PSD2: variants seen among roughly 807,000 people sequenced by gnomAD.
PSD2 encodes the protein pleckstrin and Sec7 domain containing 2, also known as PH and SEC7 domain-containing protein 2.
PSD2 carries 38 observed loss-of-function variants against 69.8 expected under a neutral mutation model. The observed-to-expected ratio is 0.54, with a 90% confidence interval of 0.42 to 0.71. PSD2 has a LOEUF of 0.71. Among genes scored for constraint, PSD2 ranks in the 30% least tolerant of loss-of-function variants. PSD2 has a pLI of 0.00. For synonymous variants in PSD2, 412 were observed against 423.0 expected (o/e 0.97, Z 0.32); for missense variants, 943 against 1,014.5 (o/e 0.93, Z 0.96).
At chr5:139,773,924 T>C in the PSD2 span, among the ~76,000 whole-genome samples, 3 of 151,856 alleles carry the variant, frequency 2.0e-5, no homozygotes, top group African/African-American at 7.3e-5. Context: ...CCCTTTTATA[T>C]TCCTACCAAC....
At chr5:139,815,595 G>C (rs772413281) in intron 4 of PSD2, among the ~76,000 whole-genome samples, 1 of 152,160 alleles carries the variant, frequency 6.6e-6, no homozygotes, top group African/African-American at 2.4e-5. Flanking sequence ...TGGTGGCCTT[G>C]TGTCTTTGAA....
Position 139,840,653 on chromosome 5 carries a change from C to CA in PSD2, c.2112+485dup, listed in dbSNP as rs1760850949. On this transcript the variant is annotated intron_variant, in intron 14 of 14. Transcript: ENST00000274710. ...ATAATCTCTGCCTCCTGGGTTCAAG[C>CA]AATTCTCCTGCCTCAGCCTCCCGAA... Among the ~76,000 whole-genome samples the CA allele has an allele frequency of 2.0e-5, 3 of 151,472 alleles. No homozygotes were observed. The South Asian group carries it at 6.3e-4, about 32-fold the overall frequency.
In PSD2 at chr5:139,842,551, A is replaced by G. The variant is rs1760900831; in HGVS notation, c.*77A>G. 5.2e-6 allele frequency: 7 copies of G among 1,343,208 alleles called. No homozygotes were observed. Among genetic ancestry groups the G allele is most frequent in the East Asian group, 4.6e-5 (2 of 43,110 alleles). 83.2% of individuals were successfully genotyped at this position (1,343,208 alleles called of 1,614,324 possible). ...GTGAGCACAATTCCAGCCAGGGGCC[A>G]CTTGGACCAAGCTCCAGTCAGTTGA... On this transcript the variant is annotated 3_prime_UTR_variant, in exon 15 of 15. Transcript: ENST00000274710.
At chr5:139,766,086 G>A in the PSD2 span, among the ~76,000 whole-genome samples, 1 of 152,146 alleles carries the variant, frequency 6.6e-6, no homozygotes, top group Non-Finnish European at 1.5e-5. Context: ...CATTGGGTAG[G>A]GAGGTGTGGA....
intron 1 of PSD2, among the ~76,000 whole-genome samples, chr5:139,808,554 C>T (rs1372305791): frequency 2.0e-5 from 3 of 152,222 alleles, no homozygotes; most frequent in Admixed American, 6.5e-5. Context: ...CCTGACTCCC[C>T]TTCCAGTGCT....
chr5:139,803,626 A>G (rs1046634005), intron 1 of PSD2, among the ~76,000 whole-genome samples: 2 of 152,220 alleles, frequency 1.3e-5, no homozygotes, highest in African/African-American at 4.8e-5. Context: ...CTGAGCACAC[A>G]GGAAAGGGCA....
Position 139,838,619 on chromosome 5 carries a change from T to G in PSD2, c.1824-9T>G. ...AGAGGCCGGCACCCTCTCCCCCTCCTGTCCCCAGGAGCAAGGAAGAAATGC... is the reference window on the plus strand; with the variant it reads ...AGAGGCCGGCACCCTCTCCCCCTCCGGTCCCCAGGAGCAAGGAAGAAATGC... On this transcript the variant is annotated splice_polypyrimidine_tract_variant and intron_variant, in intron 12 of 14. Coordinates refer to ENST00000274710, the MANE Select transcript of PSD2 (RefSeq NM_032289.4). 1 of 1,609,344 alleles carries G rather than the reference T, an allele frequency of 6.2e-7. No individual in the cohort carries two copies. The highest frequency in any genetic ancestry group is 2.2e-5 in the East Asian group (1 of 44,774).
At chr5:139,829,193 C>G (rs1760506171) in intron 7 of PSD2, among the ~76,000 whole-genome samples, 1 of 152,094 alleles carries the variant, frequency 6.6e-6, no homozygotes, top group Non-Finnish European at 1.5e-5. Flanking sequence ...CTTGCTTTTT[C>G]GCCCTGAGAA....
intron 2 of PSD2, 45 bp downstream of exon 2, chr5:139,809,856 C>T: frequency 6.2e-7 from 1 of 1,602,152 alleles, no homozygotes; most frequent in Non-Finnish European, 8.5e-7. Flanking sequence ...TTTGGCTGTT[C>T]TGTTGTTGTG....
intron 7 of PSD2, among the ~76,000 whole-genome samples, chr5:139,832,103 G>A (rs111996699): frequency 1.8e-4 from 27 of 152,300 alleles, no homozygotes; most frequent in African/African-American, 5.8e-4. Context: ...CAATGCTGCT[G>A]GGAAGGTTCA....
the PSD2 span, among the ~76,000 whole-genome samples, chr5:139,754,858 C>A: frequency 2.0e-5 from 3 of 151,972 alleles, no homozygotes; most frequent in African/African-American, 4.8e-5. Flanking sequence ...GCTTGAGTGA[C>A]CCTGTCTCAA....
At chr5:139,807,268 G>C (rs1759832494) in intron 1 of PSD2, among the ~76,000 whole-genome samples, 1 of 152,200 alleles carries the variant, frequency 6.6e-6, no homozygotes, top group South Asian at 2.1e-4. Context: ...TGCTCATCCA[G>C]GCCCCTGGGC....
At chr5:139,794,036 A>G (rs527470251), upstream of PSD2, among the ~76,000 whole-genome samples, 6 of 152,304 alleles carry the variant, frequency 3.9e-5, no homozygotes, top group Admixed American at 3.9e-4. Context: ...AGCAGAGGGC[A>G]GGGGGGTAGA....
chr5:139,784,747 A>T, the PSD2 span, among the ~76,000 whole-genome samples: 41 of 151,020 alleles, frequency 2.7e-4, no homozygotes, highest in Non-Finnish European at 1.2e-4. Flanking sequence ...ATATGTCTAC[A>T]TGACAAATTC....
chr5:139,829,753 G>A lies in PSD2; in HGVS notation c.1270-3949G>A, dbSNP rs142670776. Among the ~76,000 whole-genome samples the A allele has an allele frequency of 1.9e-3, 287 of 152,214 alleles. 1 individual carries two copies. The highest frequency in any genetic ancestry group is 6.2e-3 in the African/African-American group (256 of 41,510). On this transcript the variant is annotated intron_variant, in intron 7 of 14. Coordinates refer to ENST00000274710, the MANE Select transcript of PSD2 (RefSeq NM_032289.4). ...TCATCTCTTGATGGATATTTGGGTC[G>A]TTTCCATCTTTTGGTGATTGTGAAT... is the stretch of plus-strand genomic sequence containing the variant.
At chr5:139,799,830 G>A (rs995737283) in intron 1 of PSD2, among the ~76,000 whole-genome samples, 3 of 152,152 alleles carry the variant, frequency 2.0e-5, no homozygotes, top group African/African-American at 7.2e-5. Flanking sequence ...GAACGGACAG[G>A]CCCTTGTGTC....
At chr5:139,806,801 AG>A (rs1326153894) in intron 1 of PSD2, among the ~76,000 whole-genome samples, 5 of 152,108 alleles carry the variant, frequency 3.3e-5, no homozygotes, top group Non-Finnish European at 7.4e-5. Context: ...TCAGCAAGAG[AG>A]GGGGTTCTGG....
At chr5:139,748,316 C>T in the PSD2 span, among the ~76,000 whole-genome samples, 1 of 152,202 alleles carries the variant, frequency 6.6e-6, no homozygotes, top group South Asian at 2.1e-4. Context: ...CTTCTCCTCC[C>T]CGCTATGTGC....
At chr5:139,768,685 T>C in the PSD2 span, among the ~76,000 whole-genome samples, 1 of 150,666 alleles carries the variant, frequency 6.6e-6, no homozygotes, top group Non-Finnish European at 1.5e-5. Flanking sequence ...ATCAAGCCAT[T>C]GCACTCCAGC....
Sources: allele counts gnomAD v4.1 joint callset (sites outside exome capture counted in the v4.1 genomes callset), GRCh38; gene constraint gnomAD v4.1.1; transcripts MANE v1.5; gene names NCBI Gene and HGNC (gene_info 2026-07-23, HGNC 2026-07-21).